Variants in LIMA1 observed in about 807,000 individuals in gnomAD.
The protein encoded by LIMA1 is LIM domain and actin-binding protein 1.
Under a neutral mutation model 62.6 loss-of-function variants are expected in LIMA1, and 52 were observed. The ratio of observed to expected loss-of-function variants is 0.83; its 90% CI spans 0.67 to 1.05. The LOEUF (loss-of-function observed/expected upper bound fraction) is 1.05. Ranked by LOEUF, LIMA1 falls within the 50% of genes least tolerant of loss-of-function variation. The pLI, the probability that LIMA1 is intolerant of heterozygous loss-of-function variation, is 0.00. For missense variants in LIMA1, 780 were observed against 902.2 expected (o/e 0.86, Z 1.74); for synonymous variants, 302 against 317.8 (o/e 0.95, Z 0.53).
chr12:50,235,713 T>C (rs1035465014), intron 2 of LIMA1, among the ~76,000 whole-genome samples: 1 of 152,144 alleles, frequency 6.6e-6, no homozygotes, highest in Admixed American at 6.6e-5. Flanking sequence ...TGACCATAAC[T>C]AGGAAGAAAG....
At position 50,193,666 on chromosome 12, in the gene LIMA1, A is replaced by ATT. The variant is rs1166489086; in HGVS notation, c.1031-1107_1031-1106dup. ...TGTGTGTGTGTATATATATATATAT[A>ATT]TTTTTTTTTTTTTTTTTTTTCAGAG... is the stretch of plus-strand genomic sequence containing the variant. On this transcript the variant is annotated intron_variant, in intron 8 of 10. Transcript: ENST00000341247. Among the ~76,000 whole-genome samples, 162 of 59,974 alleles carry ATT rather than the reference A, an allele frequency of 2.7e-3. 3 individuals carry two copies. Among genetic ancestry groups the ATT allele is most frequent in the African/African-American group, 3.1e-3 (42 of 13,394 alleles). 39.3% of individuals were successfully genotyped at this position (59,974 alleles called of 152,430 possible). A position where few individuals can be genotyped will look rare whatever the true frequency, so the allele number is the denominator to read the frequency against.
chr12:50,233,611 G>A (rs1223569308), intron 2 of LIMA1, among the ~76,000 whole-genome samples: 4 of 152,136 alleles, frequency 2.6e-5, no homozygotes, highest in Non-Finnish European at 4.4e-5. Flanking sequence ...TGCAATCTCC[G>A]CCTCCCGGGT....
At chr12:50,253,717 T>C (rs974587176) in intron 1 of LIMA1, among the ~76,000 whole-genome samples, 2 of 152,142 alleles carry the variant, frequency 1.3e-5, no homozygotes, top group African/African-American at 2.4e-5. Context: ...CTGGCTTTCA[T>C]TGGCCTGCAT....
chr12:50,274,326 C>T (rs1942250140), intron 1 of LIMA1, among the ~76,000 whole-genome samples: 1 of 152,224 alleles, frequency 6.6e-6, no homozygotes, highest in Admixed American at 6.5e-5. Flanking sequence ...TGGCTCACGC[C>T]TGTAATCCCA....
At chr12:50,214,864 A>T (rs1941317042) in intron 4 of LIMA1, among the ~76,000 whole-genome samples, 1 of 152,252 alleles carries the variant, frequency 6.6e-6, no homozygotes, top group Non-Finnish European at 1.5e-5. Context: ...TCTTCTTGGG[A>T]TATAATTCTA....
At position 50,204,582 on chromosome 12, in the gene LIMA1, C is replaced by A; in HGVS notation, c.834G>T (p.Val278=). Residue 278 remains valine, a synonymous_variant, in exon 6 of 11, where the codon GTG becomes GTT. Transcript: ENST00000341247. ...KDRMAKYQAA[V]SKQSSSTNYT... is the part of the protein sequence containing the mutation. ...AGTTGGTTGAGCTGCTTTGTTTGGACACAGCTGCCTGGTACTTGGCCATTC... is the reference window on the plus strand; with the variant it reads ...AGTTGGTTGAGCTGCTTTGTTTGGAAACAGCTGCCTGGTACTTGGCCATTC... The A allele has an allele frequency of 6.2e-7, 1 of 1,614,136 alleles. No individual in the cohort carries two copies. Among genetic ancestry groups the A allele is most frequent in the Middle Eastern group, 1.6e-4 (1 of 6,062 alleles).
At chr12:50,247,056 A>G (rs770269910) in intron 2 of LIMA1, among the ~76,000 whole-genome samples, 4 of 152,128 alleles carry the variant, frequency 2.6e-5, no homozygotes, top group Non-Finnish European at 5.9e-5. Flanking sequence ...GGATTGCTTG[A>G]GCCCAGGAGT....
At chr12:50,233,598 C>T (rs1184894953) in intron 2 of LIMA1, among the ~76,000 whole-genome samples, 2 of 152,152 alleles carry the variant, frequency 1.3e-5, no homozygotes, top group African/African-American at 2.4e-5. Flanking sequence ...AATCTCGGCT[C>T]ACTGCAATCT....
chr12:50,272,588 G>A (rs1469438549), intron 1 of LIMA1, among the ~76,000 whole-genome samples: 4 of 118,490 alleles, frequency 3.4e-5, no homozygotes, highest in Non-Finnish European at 7.0e-5. Flanking sequence ...GCGAAACTCC[G>A]TCTCAAAAAA....
chr12:50,209,889 C>T (rs113131780), intron 4 of LIMA1, among the ~76,000 whole-genome samples: 7 of 152,194 alleles, frequency 4.6e-5, no homozygotes, highest in African/African-American at 1.4e-4. Flanking sequence ...TCTGAAACTC[C>T]TGACCTCAAA....
intron 9 of LIMA1, among the ~76,000 whole-genome samples, chr12:50,182,978 C>A (rs191368281): frequency 1.6e-4 from 25 of 152,136 alleles, no homozygotes; most frequent in African/African-American, 5.5e-4. Context: ...CCGAGGTGGG[C>A]GGATCATGAG....
chr12:50,181,651 G>T (rs1004771141), intron 10 of LIMA1, among the ~76,000 whole-genome samples: 1 of 151,950 alleles, frequency 6.6e-6, no homozygotes, highest in African/African-American at 2.4e-5. Context: ...GTCACAGGGG[G>T]GTTTACCTGC....
intron 2 of LIMA1, among the ~76,000 whole-genome samples, chr12:50,248,272 C>T (rs1941878628): frequency 6.6e-6 from 1 of 152,216 alleles, no homozygotes; most frequent in African/African-American, 2.4e-5. Context: ...AACCAGAAAG[C>T]CTTCCTGATG....
At position 50,279,126 on chromosome 12, in the gene LIMA1, C is replaced by T. The variant is rs111239237; in HGVS notation, c.-24+4294G>A. Among the ~76,000 whole-genome samples the T allele has an allele frequency of 2.8e-3, 422 of 151,282 alleles. 2 individuals are homozygous for T. The highest frequency in any genetic ancestry group is 9.4e-3 in the African/African-American group (390 of 41,388). On this transcript the variant is annotated intron_variant, in intron 1 of 10. Transcript: ENST00000341247. Reference sequence around the variant, plus strand: ...GTTCAAGGGATTCTCCTGCTTCAGCCTCCTTAGTAGCTGGGACTACAGGCA... The same window carrying T: ...GTTCAAGGGATTCTCCTGCTTCAGCTTCCTTAGTAGCTGGGACTACAGGCA...
At chr12:50,202,388 TA>T (rs113986199) in intron 6 of LIMA1, among the ~76,000 whole-genome samples, 36 of 146,924 alleles carry the variant, frequency 2.5e-4, no homozygotes, top group African/African-American at 2.0e-4. Context: ...GGTTAGGAGT[TA>T]AAAAAAAAAA....
At chr12:50,250,168 C>T (rs1461706389) in intron 1 of LIMA1, among the ~76,000 whole-genome samples, 1 of 151,656 alleles carries the variant, frequency 6.6e-6, no homozygotes, top group Non-Finnish European at 1.5e-5. Flanking sequence ...AGTGGTAGCG[C>T]ATGCCTATAA....
chr12:50,256,629 A>G (rs1264076795), intron 1 of LIMA1, among the ~76,000 whole-genome samples: 1 of 152,076 alleles, frequency 6.6e-6, no homozygotes, highest in Non-Finnish European at 1.5e-5. Flanking sequence ...CTTGTCTTTC[A>G]TGACCTCGAT....
At chr12:50,268,450 T>C (rs1265067327) in intron 1 of LIMA1, among the ~76,000 whole-genome samples, 1 of 152,198 alleles carries the variant, frequency 6.6e-6, no homozygotes, top group African/African-American at 2.4e-5. Flanking sequence ...TCTAGACAGA[T>C]AATGTCAGAA....
At chr12:50,221,724 C>A (rs1035090117) in intron 4 of LIMA1, among the ~76,000 whole-genome samples, 1 of 152,114 alleles carries the variant, frequency 6.6e-6, no homozygotes, top group Non-Finnish European at 1.5e-5. Flanking sequence ...CACAGGAAGA[C>A]AATTTAAAAG....
Sources: allele counts gnomAD v4.1 joint callset (sites outside exome capture counted in the v4.1 genomes callset), GRCh38; gene constraint gnomAD v4.1.1; transcripts MANE v1.5; gene names NCBI Gene and HGNC (gene_info 2026-07-23, HGNC 2026-07-21).